The following RBMXL2 variants were observed in gnomAD, a reference collection of about 807,000 sequenced individuals.
RBMXL2 encodes RNA-binding motif protein, X-linked-like-2.
Under a neutral mutation model 1.0 loss-of-function variants are expected in RBMXL2, and 2 were observed. The observed-to-expected ratio is 2.05, with a 90% CI of 0.84 to 6.44. The LOEUF is 6.44. Ranked by LOEUF, RBMXL2 falls within the 30% of genes most tolerant of loss-of-function variation. RBMXL2 has a pLI of 0.05. For synonymous variants in RBMXL2, 313 were observed against 267.9 expected (o/e 1.17, Z -1.64); for missense variants, 658 against 608.5 (o/e 1.08, Z -0.85).
Position 7,089,173 on chromosome 11 carries a change from A to G in RBMXL2, c.53A>G (p.Glu18Gly), listed in dbSNP as rs1366248673. 3 of 1,613,942 alleles carry G rather than the reference A, an allele frequency of 1.9e-6. No homozygotes were observed. The highest frequency in any genetic ancestry group is 2.5e-6 in the Non-Finnish European group (3 of 1,179,980). ...CTGTTCATTGGGGGCCTCAACCTCG[A>G]AACCGACGAGAAAGCCCTCGAAGCC... is the stretch of plus-strand genomic sequence containing the variant. Reference protein sequence around the residue: ...GKLFIGGLNLETDEKALEAEF... With the variant: ...GKLFIGGLNLGTDEKALEAEF... The change falls in exon 1 of 1, where the codon GAA becomes GGA. Residue 18 changes from glutamate (E) to glycine (G), a missense_variant. Glu to Gly is a moderately conservative substitution (Grantham distance 98). Coordinates refer to ENST00000306904, the MANE Select transcript of RBMXL2 (RefSeq NM_014469.5).
chr11:7,089,171 C>G lies in RBMXL2; in HGVS notation c.51C>G (p.Leu17=), dbSNP rs149945456. The change falls in exon 1 of 1, where the codon CTC becomes CTG. Residue 17 remains leucine, a synonymous_variant. Transcript: ENST00000306904. ...AGCTGTTCATTGGGGGCCTCAACCT[C>G]GAAACCGACGAGAAAGCCCTCGAAG... ...PGKLFIGGLN[L]ETDEKALEAE... The G allele has an allele frequency of 3.6e-4, 580 of 1,613,890 alleles. No individual in the cohort carries two copies. Among genetic ancestry groups the G allele is most frequent in the Admixed American group, 4.8e-4 (29 of 59,996 alleles).
In RBMXL2 at chr11:7,089,492, G is replaced by T; in HGVS notation, c.372G>T (p.Arg124=). ...GCGGCCCGCGGCGTTCCCCATCCCG[G>T]GGCGGGCCCGATGATGACGGCGGCT... ...GGGGPRRSPS[R]GGPDDDGGYT... The change falls in exon 1 of 1, where the codon CGG becomes CGT. Residue 124 remains arginine, a synonymous_variant. Transcript: ENST00000306904. 2 of 1,238,886 alleles carry T rather than the reference G, an allele frequency of 1.6e-6. No homozygotes were observed. The highest frequency in any genetic ancestry group is 3.2e-5 in the African/African-American group (2 of 62,146). 76.7% of individuals were successfully genotyped at this position (1,238,886 alleles called of 1,614,324 possible). A position where few individuals can be genotyped will look rare whatever the true frequency, so the allele number is the denominator to read the frequency against.
rs1328848621 is a variant in RBMXL2 at position 7,090,227 on chromosome 11, C to G, written c.1107C>G (p.Gly369=). The change falls in exon 1 of 1, where the codon GGC becomes GGG. Residue 369 remains glycine, a synonymous_variant. Transcript: ENST00000306904. The part of the protein sequence containing the change: ...PPQRDSYSRS[G]CRVPRGGGRL... Reference sequence around the variant, plus strand: ...AGCGTGATTCTTACAGCCGGTCAGGCTGCAGGGTGCCCAGGGGCGGAGGCC... The same window carrying G: ...AGCGTGATTCTTACAGCCGGTCAGGGTGCAGGGTGCCCAGGGGCGGAGGCC... The G allele has an allele frequency of 3.1e-6, 5 of 1,611,246 alleles. No homozygotes were observed. Among genetic ancestry groups the G allele is most frequent in the South Asian group, 2.2e-5 (2 of 90,420 alleles).
chr11:7,090,358 C>T lies in RBMXL2; in HGVS notation c.*59C>T, dbSNP rs531915575. 3.3e-6 allele frequency: 5 copies of T among 1,521,008 alleles called. No homozygotes were observed. The highest frequency in any genetic ancestry group is 2.8e-5 in the African/African-American group (2 of 72,450). 94.2% of individuals were successfully genotyped at this position (1,521,008 alleles called of 1,614,324 possible). On this transcript the variant is annotated 3_prime_UTR_variant, in exon 1 of 1. Transcript: ENST00000306904. ...CAACGAAACTAACAAAAAGAAGAACCTGTTGTATGGTAACTACCCAAGGAC... is the reference window on the plus strand; with the variant it reads ...CAACGAAACTAACAAAAAGAAGAACTTGTTGTATGGTAACTACCCAAGGAC...
In RBMXL2 at chr11:7,089,212, A is replaced by G. The variant is rs774734118; in HGVS notation, c.92A>G (p.Tyr31Cys). Reference sequence around the variant, plus strand: ...GCCCTCGAAGCCGAGTTTGGCAAGTATGGCCGCATCGTCGAGGTGCTCCTG... The same window carrying G: ...GCCCTCGAAGCCGAGTTTGGCAAGTGTGGCCGCATCGTCGAGGTGCTCCTG... Reference protein sequence around the residue: ...EKALEAEFGKYGRIVEVLLMK... With the variant: ...EKALEAEFGKCGRIVEVLLMK... The change falls in exon 1 of 1, where the codon TAT (tyrosine) becomes TGT (cysteine). Residue 31 changes from tyrosine to cysteine, a missense_variant. Coordinates refer to ENST00000306904, the MANE Select transcript of RBMXL2 (RefSeq NM_014469.5). The G allele has an allele frequency of 6.2e-7, 1 of 1,613,728 alleles. No homozygotes were observed. Among genetic ancestry groups the G allele is most frequent in the South Asian group, 1.1e-5 (1 of 90,956 alleles).
Position 7,089,635 on chromosome 11 carries a change from G to T in RBMXL2, c.515G>T (p.Ser172Ile), listed in dbSNP as rs1444799205. ...KRAAPSGPAR[S>I]SGGGMRGRAL... The stretch of plus-strand genomic sequence containing the variant: ...GCCGCGCCGTCGGGCCCGGCTCGCA[G>T]CAGCGGCGGTGGAATGCGCGGGAGG... The change falls in exon 1 of 1, where the codon AGC becomes ATC. Residue 172 changes from serine to isoleucine, a missense_variant. Physicochemically the swap from Ser to Ile is moderately radical, Grantham distance 142. Coordinates refer to ENST00000306904, the MANE Select transcript of RBMXL2 (RefSeq NM_014469.5). 7.0e-6 allele frequency: 9 copies of T among 1,287,526 alleles called. No individual in the cohort carries two copies. The Admixed American group carries it at 1.3e-4, about 18-fold the overall frequency. 79.8% of individuals were successfully genotyped at this position (1,287,526 alleles called of 1,614,324 possible).
chr11:7,089,186 A>C lies in RBMXL2; in HGVS notation c.66A>C (p.Lys22Asn). 1 of 1,613,994 alleles carries C rather than the reference A, an allele frequency of 6.2e-7. No homozygotes were observed. Among genetic ancestry groups the C allele is most frequent in the Non-Finnish European group, 8.5e-7 (1 of 1,179,932 alleles). ...IGGLNLETDE[K>N]ALEAEFGKYG... is the part of the protein sequence containing the mutation. The stretch of plus-strand genomic sequence containing the variant: ...GCCTCAACCTCGAAACCGACGAGAA[A>C]GCCCTCGAAGCCGAGTTTGGCAAGT... The change falls in exon 1 of 1, where the codon AAA becomes AAC. Residue 22 changes from lysine to asparagine, a missense_variant. Lys to Asn is a moderately conservative substitution (Grantham distance 94). Transcript: ENST00000306904.
chr11:7,089,794 A>G lies in RBMXL2; in HGVS notation c.674A>G (p.Tyr225Cys). Residue 225 changes from tyrosine to cysteine, a missense_variant, in exon 1 of 1, where the codon TAC (tyrosine) becomes TGC (cysteine). Transcript: ENST00000306904. ...AGAGACGGCTACTCGAGCCGAGACT[A>G]CCGCGAACCCCGGGGTTTTGCCCCC... is the stretch of plus-strand genomic sequence containing the variant. Reference protein sequence around the residue: ...SSRDGYSSRDYREPRGFAPSP... With the variant: ...SSRDGYSSRDCREPRGFAPSP... The G allele has an allele frequency of 6.2e-7, 1 of 1,601,056 alleles. No homozygotes were observed. Among genetic ancestry groups the G allele is most frequent in the Non-Finnish European group, 8.5e-7 (1 of 1,178,350 alleles).
In RBMXL2 at chr11:7,090,413, T is replaced by A; in HGVS notation, c.*114T>A. 1 of 1,308,816 alleles carries A rather than the reference T, an allele frequency of 7.6e-7. No homozygotes were observed. Among genetic ancestry groups the A allele is most frequent in the Non-Finnish European group, 1.1e-6 (1 of 932,358 alleles). 81.1% of individuals were successfully genotyped at this position (1,308,816 alleles called of 1,614,324 possible). A position where few individuals can be genotyped will look rare whatever the true frequency, so the allele number is the denominator to read the frequency against. On this transcript the variant is annotated 3_prime_UTR_variant, in exon 1 of 1. Transcript: ENST00000306904. Reference sequence around the variant, plus strand: ...ACAAGGAAGAGTTGTTTTTACCTTTTAAGAATTTCCTGTTAAGATCGTCTC... The same window carrying A: ...ACAAGGAAGAGTTGTTTTTACCTTTAAAGAATTTCCTGTTAAGATCGTCTC...
rs544377619 is a variant in RBMXL2 at position 7,090,646 on chromosome 11, C to T, written c.*347C>T. On this transcript the variant is annotated 3_prime_UTR_variant, in exon 1 of 1. Coordinates refer to ENST00000306904, the MANE Select transcript of RBMXL2 (RefSeq NM_014469.5). ...AAACAGTTCTAAGATCTTTGATAAA[C>T]ATCTGCTCACCTAAAATGGAAAAAC... 28 of 352,100 alleles carry T rather than the reference C, an allele frequency of 8.0e-5. No homozygotes were observed. Among genetic ancestry groups the T allele is most frequent in the Middle Eastern group, 9.7e-4 (1 of 1,034 alleles). The allele number at this position is 352,100 out of a possible 1,614,324, so 21.8% of individuals were successfully genotyped here. A position where few individuals can be genotyped will look rare whatever the true frequency, so the allele number is the denominator to read the frequency against.
Position 7,089,747 on chromosome 11 carries a change from G to A in RBMXL2, c.627G>A (p.Pro209=), listed in dbSNP as rs781204735. 4 of 1,546,708 alleles carry A rather than the reference G, an allele frequency of 2.6e-6. No homozygotes were observed. The Admixed American group carries it at 5.6e-5, about 22-fold the overall frequency. Residue 209 remains proline, a synonymous_variant, in exon 1 of 1, where the codon CCG becomes CCA. Coordinates refer to ENST00000306904, the MANE Select transcript of RBMXL2 (RefSeq NM_014469.5). ...CGCGCCGCGACCCCTACCTGGGCCC[G>A]CGGGATGAGGGCTACTCGTCCAGAG... is the stretch of plus-strand genomic sequence containing the variant. The part of the protein sequence containing the change: ...LPPRRDPYLG[P]RDEGYSSRDG...
At position 7,090,059 on chromosome 11, in the gene RBMXL2, C is replaced by G; in HGVS notation, c.939C>G (p.Gly313=). The G allele has an allele frequency of 6.2e-7, 1 of 1,612,922 alleles. No homozygotes were observed. The highest frequency in any genetic ancestry group is 8.5e-7 in the Non-Finnish European group (1 of 1,179,750). Residue 313 remains glycine (G), a synonymous_variant, in exon 1 of 1, where the codon GGC becomes GGG. Transcript: ENST00000306904. Reference sequence around the variant, plus strand: ...GAGGCCGCTACGAGGAGTACCGGGGCTACTCACCCGATGCCTACAGCGGCG... The same window carrying G: ...GAGGCCGCTACGAGGAGTACCGGGGGTACTCACCCGATGCCTACAGCGGCG... ...GGGGRYEEYR[G]YSPDAYSGGR...
chr11:7,089,715 C>T lies in RBMXL2; in HGVS notation c.595C>T (p.Leu199=), dbSNP rs369320470. The change falls in exon 1 of 1, where the codon CTG becomes TTG. Residue 199 remains leucine, a synonymous_variant. Coordinates refer to ENST00000306904, the MANE Select transcript of RBMXL2 (RefSeq NM_014469.5). Reference sequence around the variant, plus strand: ...CTCAGGCCCACCGCGCCGGGAGCCGCTGCCCCCGCGCCGCGACCCCTACCT... The same window carrying T: ...CTCAGGCCCACCGCGCCGGGAGCCGTTGCCCCCGCGCCGCGACCCCTACCT... ...GYSGPPRREP[L]PPRRDPYLGP... is the part of the protein sequence containing the mutation. The T allele has an allele frequency of 5.7e-4, 873 of 1,526,776 alleles. 5 individuals are homozygous for T. The African/African-American group carries it at 0.011, about 18-fold the overall frequency. The allele number at this position is 1,526,776 out of a possible 1,614,324, so 94.6% of individuals were successfully genotyped here.
At position 7,089,373 on chromosome 11, in the gene RBMXL2, A is replaced by C. The variant is rs1250310565; in HGVS notation, c.253A>C (p.Thr85Pro). The change falls in exon 1 of 1, where the codon ACC (threonine) becomes CCC (proline). Residue 85 changes from threonine to proline, a missense_variant. Physicochemically the swap from Thr to Pro is conservative, Grantham distance 38. Coordinates refer to ENST00000306904, the MANE Select transcript of RBMXL2 (RefSeq NM_014469.5). ...TAAGGCCATCAAGGTGGCCCAGGCCACCAAACCGGCGTTCGAGAGCAGCCG... is the reference window on the plus strand; with the variant it reads ...TAAGGCCATCAAGGTGGCCCAGGCCCCCAAACCGGCGTTCGAGAGCAGCCG... ...DGKAIKVAQATKPAFESSRRG... is the reference protein window; with the variant it reads ...DGKAIKVAQAPKPAFESSRRG... The C allele has an allele frequency of 6.2e-7, 1 of 1,604,556 alleles. No homozygotes were observed. The highest frequency in any genetic ancestry group is 1.7e-5 in the Admixed American group (1 of 59,278).
chr11:7,089,483 C>T lies in RBMXL2; in HGVS notation c.363C>T (p.Ser121=). ...GGGGTGGCGGCGGCCCGCGGCGTTC[C>T]CCATCCCGGGGCGGGCCCGATGATG... ...TRGGGGGPRR[S]PSRGGPDDDG... The change falls in exon 1 of 1, where the codon TCC becomes TCT. Residue 121 remains serine, a synonymous_variant. Coordinates refer to ENST00000306904, the MANE Select transcript of RBMXL2 (RefSeq NM_014469.5). 2.4e-6 allele frequency: 3 copies of T among 1,256,700 alleles called. No individual in the cohort carries two copies. The highest frequency in any genetic ancestry group is 3.0e-6 in the Non-Finnish European group (3 of 998,450). The allele number at this position is 1,256,700 out of a possible 1,614,324, so 77.8% of individuals were successfully genotyped here.
In RBMXL2 at chr11:7,089,083, C is replaced by T; in HGVS notation, c.-38C>T. 6.3e-7 allele frequency: 1 copy of T among 1,598,894 alleles called. No homozygotes were observed. The highest frequency in any genetic ancestry group is 8.5e-7 in the Non-Finnish European group (1 of 1,170,996). On this transcript the variant is annotated 5_prime_UTR_variant, in exon 1 of 1. Coordinates refer to ENST00000306904, the MANE Select transcript of RBMXL2 (RefSeq NM_014469.5). ...GGCTGCGACTGGCGCCGCCTCACCG[C>T]CTCCCACCGCCACTGACCGACCGTT...
In RBMXL2 at chr11:7,089,726, C is replaced by T; in HGVS notation, c.606C>T (p.Arg202=). Residue 202 remains arginine (R), a synonymous_variant, in exon 1 of 1, where the codon CGC becomes CGT. Transcript: ENST00000306904. ...CGCGCCGGGAGCCGCTGCCCCCGCG[C>T]CGCGACCCCTACCTGGGCCCGCGGG... The part of the protein sequence containing the change: ...GPPRREPLPP[R]RDPYLGPRDE... The T allele has an allele frequency of 2.0e-6, 3 of 1,533,556 alleles. No individual in the cohort carries two copies. The highest frequency in any genetic ancestry group is 2.6e-6 in the Non-Finnish European group (3 of 1,144,396). The allele number at this position is 1,533,556 out of a possible 1,614,324, so 95.0% of individuals were successfully genotyped here. A position where few individuals can be genotyped will look rare whatever the true frequency, so the allele number is the denominator to read the frequency against.
Position 7,090,491 on chromosome 11 carries a change from G to A in RBMXL2, c.*192G>A, listed in dbSNP as rs1853113223. On this transcript the variant is annotated 3_prime_UTR_variant, in exon 1 of 1. Transcript: ENST00000306904. The stretch of plus-strand genomic sequence containing the variant: ...TTAAAATTCGTTTAGTTTAGTTTTG[G>A]AATTGTTAACGTTTCTTTCAACAAG... 2.7e-6 allele frequency: 2 copies of A among 742,390 alleles called. No homozygotes were observed. Among genetic ancestry groups the A allele is most frequent in the Admixed American group, 2.7e-5 (1 of 36,994 alleles). 46.0% of individuals were successfully genotyped at this position (742,390 alleles called of 1,614,324 possible).
At position 7,089,106 on chromosome 11, in the gene RBMXL2, G is replaced by C. The variant is rs1359764692; in HGVS notation, c.-15G>C. The C allele has an allele frequency of 1.2e-6, 2 of 1,611,278 alleles. No individual in the cohort carries two copies. The highest frequency in any genetic ancestry group is 1.1e-5 in the South Asian group (1 of 90,518). ...CGCCTCCCACCGCCACTGACCGACC[G>C]TTCGACCGGCAAACATGGTTGAAGC... On this transcript the variant is annotated 5_prime_UTR_variant, in exon 1 of 1. Coordinates refer to ENST00000306904, the MANE Select transcript of RBMXL2 (RefSeq NM_014469.5).
Sources: gnomAD v4.1 joint callset for allele counts on GRCh38, gnomAD v4.1.1 for gene constraint, MANE v1.5 for transcripts, NCBI Gene and HGNC (gene_info 2026-07-23, HGNC 2026-07-21) for gene names.